GNAL: variants seen among roughly 807,000 people sequenced by gnomAD.
GNAL encodes G protein subunit alpha L, also known as guanine nucleotide-binding protein G(olf) subunit alpha.
In GNAL, 18 loss-of-function variants were observed where a neutral mutation model predicts 55.1. The ratio of observed to expected loss-of-function variants is 0.33; its 90% CI spans 0.23 to 0.48. The LOEUF is 0.48. Ranked by LOEUF, GNAL falls within the 20% of genes least tolerant of loss-of-function variation. GNAL has a pLI of 0.99. For missense variants in GNAL, 412 were observed against 614.1 expected, an observed-to-expected ratio of 0.67 and a Z score of 3.48; for synonymous variants, 253 against 237.0, an observed-to-expected ratio of 1.07 and a Z score of -0.62.
chr18:11,881,344 C>T lies in GNAL; in HGVS notation c.*209C>T. On this transcript the variant is annotated 3_prime_UTR_variant, in exon 12 of 12. Coordinates refer to ENST00000334049, the MANE Select transcript of GNAL (RefSeq NM_182978.4). This position sits in a 1 kb window ranked among gnomAD's most constrained non-coding sequence, Gnocchi z 4.8. ...GAATACGGCCTCCCGCAGCATCCCA[C>T]CCCCAAACCACCGACTCTCATTGCC... 2.2e-6 allele frequency: 1 copy of T among 459,858 alleles called. No homozygotes were observed. Among genetic ancestry groups the T allele is most frequent in the Non-Finnish European group, 3.9e-6 (1 of 254,940 alleles). 28.5% of individuals were successfully genotyped at this position (459,858 alleles called of 1,614,324 possible).
rs74755494 is a variant in GNAL at position 11,715,602 on chromosome 18, C to T, written c.376+25663C>T. ...GGTGTGGAGGAAACAAAAGAGGGGA[C>T]CAGGTCATTCTCTGGAGAAGAGCAT... On this transcript the variant is annotated intron_variant, in intron 1 of 11. Transcript: ENST00000334049. Among the ~76,000 whole-genome samples, 35 of 152,048 alleles carry T rather than the reference C, an allele frequency of 2.3e-4. 1 individual carries two copies. In the East Asian group the frequency reaches 6.8e-3, roughly 29 times the overall value.
At chr18:11,738,392 A>ACAC (rs1386683879) in intron 1 of GNAL, among the ~76,000 whole-genome samples, 1 of 150,644 alleles carries the variant, frequency 6.6e-6, no homozygotes, top group Non-Finnish European at 1.5e-5. Context: ...TCTGGCTGGG[A>ACAC]CACCAAGCTC....
At chr18:11,772,669 C>T (rs1048368382) in intron 4 of GNAL, among the ~76,000 whole-genome samples, 1 of 152,186 alleles carries the variant, frequency 6.6e-6, no homozygotes, top group African/African-American at 2.4e-5. Flanking sequence ...GATGTGCTGA[C>T]CTGGAGGCAA....
intron 4 of GNAL, among the ~76,000 whole-genome samples, chr18:11,803,796 G>A (rs2034584527): frequency 6.6e-6 from 1 of 151,586 alleles, no homozygotes; most frequent in Admixed American, 6.6e-5. Context: ...ATACTGTGTA[G>A]TGGTGAAGTA....
intron 4 of GNAL, among the ~76,000 whole-genome samples, chr18:11,798,845 C>T (rs1415719916): frequency 6.6e-6 from 1 of 151,926 alleles, no homozygotes; most frequent in Non-Finnish European, 1.5e-5. Flanking sequence ...GGGCTGGGCA[C>T]GGTGGGTGGC....
intron 5 of GNAL, among the ~76,000 whole-genome samples, chr18:11,828,830 A>G (rs2035313003): frequency 6.6e-6 from 1 of 152,208 alleles, no homozygotes; most frequent in Non-Finnish European, 1.5e-5. Context: ...ACTGTGTGAG[A>G]CTTTGGGCAA....
chr18:11,881,299 G>T lies in GNAL; in HGVS notation c.*164G>T. ...TACCTCTGTCCCCTCAGGTTTGGTT[G>T]TGTAGCTTCTGTTGTCATTGAATAC... On this transcript the variant is annotated 3_prime_UTR_variant, in exon 12 of 12. Coordinates refer to ENST00000334049, the MANE Select transcript of GNAL (RefSeq NM_182978.4). This position sits in a 1 kb window ranked among gnomAD's most constrained non-coding sequence, Gnocchi z 4.8. 4.8e-6 allele frequency: 3 copies of T among 630,368 alleles called. No homozygotes were observed. The highest frequency in any genetic ancestry group is 2.3e-5 in the South Asian group (1 of 42,618). 39.0% of individuals were successfully genotyped at this position (630,368 alleles called of 1,614,324 possible). A position where few individuals can be genotyped will look rare whatever the true frequency, so the allele number is the denominator to read the frequency against.
chr18:11,783,795 C>G lies in GNAL; in HGVS notation c.624+29850C>G, dbSNP rs995076001. On this transcript the variant is annotated intron_variant, in intron 4 of 11. Coordinates refer to ENST00000334049, the MANE Select transcript of GNAL (RefSeq NM_182978.4). ...TTTTCATTAAAAATGTCTTCAAAAT[C>G]TAGTGTGTATTTGGCATGTCTGGCA... 2.0e-5 allele frequency among the ~76,000 whole-genome samples: 3 copies of G among 152,056 alleles called. No homozygotes were observed. The South Asian group carries it at 6.2e-4, about 31-fold the overall frequency.
intron 4 of GNAL, among the ~76,000 whole-genome samples, chr18:11,816,487 C>T (rs925964387): frequency 3.3e-5 from 5 of 151,856 alleles, no homozygotes; most frequent in Non-Finnish European, 5.9e-5. Flanking sequence ...TTATTAGAGA[C>T]GGGGTTTCAC....
At chr18:11,765,341 A>G (rs1371160156) in intron 4 of GNAL, among the ~76,000 whole-genome samples, 1 of 152,250 alleles carries the variant, frequency 6.6e-6, no homozygotes, top group Non-Finnish European at 1.5e-5. Context: ...TTTTGATGCA[A>G]GCATACAGTA....
At chr18:11,819,892 C>T (rs1194869537) in intron 4 of GNAL, among the ~76,000 whole-genome samples, 3 of 151,682 alleles carry the variant, frequency 2.0e-5, no homozygotes, top group African/African-American at 7.3e-5. Flanking sequence ...AGAGAAAAGA[C>T]ATACAAATTT....
chr18:11,718,543 A>T (rs1057503559), intron 1 of GNAL, among the ~76,000 whole-genome samples: 3 of 152,212 alleles, frequency 2.0e-5, no homozygotes, highest in African/African-American at 7.2e-5. Flanking sequence ...AACATCCTTT[A>T]TAAAATCATT....
chr18:11,792,009 T>C (rs887449706), intron 4 of GNAL, among the ~76,000 whole-genome samples: 7 of 152,242 alleles, frequency 4.6e-5, no homozygotes, highest in Non-Finnish European at 1.0e-4. Flanking sequence ...AATTTCCTGC[T>C]AATTTTTTGA....
chr18:11,809,734 A>C (rs1288318696), intron 4 of GNAL, among the ~76,000 whole-genome samples: 2 of 152,254 alleles, frequency 1.3e-5, no homozygotes, highest in Non-Finnish European at 2.9e-5. Context: ...TTCTGTCTCA[A>C]AAAAGACAAA....
chr18:11,788,880 G>C (rs912599625), intron 4 of GNAL, among the ~76,000 whole-genome samples: 37 of 116,006 alleles, frequency 3.2e-4, no homozygotes, highest in African/African-American at 1.4e-3. Context: ...CTAGGAGACA[G>C]AGCAAGACTC....
rs2037054644 is a variant in GNAL, at chr18:11,885,415, A to C, written c.*4280A>C. 1.0e-5 allele frequency: 5 copies of C among 494,034 alleles called. No homozygotes were observed. The highest frequency in any genetic ancestry group is 1.1e-3 in the Middle Eastern group (2 of 1,846). The allele number at this position is 494,034 out of a possible 1,614,324, so 30.6% of individuals were successfully genotyped here. A position where few individuals can be genotyped will look rare whatever the true frequency, so the allele number is the denominator to read the frequency against. On this transcript the variant is annotated 3_prime_UTR_variant, in exon 12 of 12. Coordinates refer to ENST00000334049, the MANE Select transcript of GNAL (RefSeq NM_182978.4). ...CACACACAGAGTGTAAGAGGAGAGGATACGGCCCTCCCTGAAGGATAAAGT... is the reference window on the plus strand; with the variant it reads ...CACACACAGAGTGTAAGAGGAGAGGCTACGGCCCTCCCTGAAGGATAAAGT...
At position 11,884,773 on chromosome 18, in the gene GNAL, G is replaced by A; in HGVS notation, c.*3638G>A. Reference sequence around the variant, plus strand: ...GCCCTCCTCACCTGAGACCAAGGGGGCCCAGCCTTCTCCCTGCACAGCTCA... The same window carrying A: ...GCCCTCCTCACCTGAGACCAAGGGGACCCAGCCTTCTCCCTGCACAGCTCA... On this transcript the variant is annotated 3_prime_UTR_variant, in exon 12 of 12. Coordinates refer to ENST00000334049, the MANE Select transcript of GNAL (RefSeq NM_182978.4). 1 of 1,330,244 alleles carries A rather than the reference G, an allele frequency of 7.5e-7. No homozygotes were observed. The highest frequency in any genetic ancestry group is 1.0e-6 in the Non-Finnish European group (1 of 1,000,316). The allele number at this position is 1,330,244 out of a possible 1,614,324, so 82.4% of individuals were successfully genotyped here.
intron 9 of GNAL, among the ~76,000 whole-genome samples, chr18:11,871,414 C>G (rs541633278): frequency 6.6e-6 from 1 of 152,174 alleles, no homozygotes; most frequent in African/African-American, 2.4e-5. Context: ...CCACGCCCAG[C>G]TACTTTTTGT....
At chr18:11,699,561 G>A (rs113656826) in intron 1 of GNAL, among the ~76,000 whole-genome samples, 1 of 151,352 alleles carries the variant, frequency 6.6e-6, no homozygotes, top group Non-Finnish European at 1.5e-5. Flanking sequence ...TTTTTTGAGG[G>A]GGGGGGTTGG....
Sources: gnomAD v4.1 joint callset for allele counts (sites outside exome capture counted in the v4.1 genomes callset) on GRCh38, gnomAD v4.1.1 for gene constraint, Gnocchi (gnomAD v3.1) non-coding constraint, MANE v1.5 for transcripts, NCBI Gene and HGNC (gene_info 2026-07-23, HGNC 2026-07-21) for gene names.